ERC2: variants seen among roughly 807,000 people sequenced by gnomAD.
The protein encoded by ERC2 is ERC protein 2.
A neutral mutation model predicts 114.8 loss-of-function variants in ERC2; 42 were observed. That is an observed-to-expected ratio of 0.37 (90% CI 0.29 to 0.47). The LOEUF (loss-of-function observed/expected upper bound fraction) is 0.47, where lower values mean the gene tolerates loss of function less well. Ranked by LOEUF, ERC2 falls within the 20% of genes least tolerant of loss-of-function variation. The pLI is 0.99. For synonymous variants in ERC2, 454 were observed against 425.5 expected (o/e 1.07, Z -0.82); for missense variants, 939 against 1,150.7 (o/e 0.82, Z 2.66).
At chr3:55,721,297 G>C (rs983839278) in intron 15 of ERC2, among the ~76,000 whole-genome samples, 1 of 152,200 alleles carries the variant, frequency 6.6e-6, no homozygotes, top group African/African-American at 2.4e-5. Flanking sequence ...TAAAACAAAG[G>C]CACAACACTG....
chr3:55,829,890 T>C (rs1284290021), intron 14 of ERC2, among the ~76,000 whole-genome samples: 1 of 152,008 alleles, frequency 6.6e-6, no homozygotes, highest in African/African-American at 2.4e-5. Flanking sequence ...GCTGAAAAAA[T>C]ATTTGAAGAA....
chr3:55,614,109 C>T (rs760291650), intron 17 of ERC2, among the ~76,000 whole-genome samples: 1 of 150,514 alleles, frequency 6.6e-6, no homozygotes, highest in African/African-American at 2.5e-5. Context: ...ATAAAATGAA[C>T]AGATCAGCCT....
intron 15 of ERC2, among the ~76,000 whole-genome samples, chr3:55,733,990 T>C (rs1422741886): frequency 6.6e-6 from 1 of 152,200 alleles, no homozygotes; most frequent in African/African-American, 2.4e-5. Context: ...CACCAAGTAA[T>C]ATGAGGAGGA....
intron 1 of ERC2, among the ~76,000 whole-genome samples, chr3:56,436,616 G>C (rs2062031353): frequency 6.6e-6 from 1 of 152,118 alleles, no homozygotes; most frequent in Admixed American, 6.5e-5. Context: ...GATGGTGCAA[G>C]GGGTGAGAAC....
At chr3:56,140,333 T>G (rs955522951) in intron 5 of ERC2, among the ~76,000 whole-genome samples, 2 of 152,214 alleles carry the variant, frequency 1.3e-5, no homozygotes, top group African/African-American at 4.8e-5. Flanking sequence ...TGTTTATTAT[T>G]TCTTTGCTTG....
intron 6 of ERC2, among the ~76,000 whole-genome samples, chr3:56,092,798 T>C (rs1248685290): frequency 6.6e-6 from 1 of 152,182 alleles, no homozygotes; most frequent in Admixed American, 6.5e-5. Flanking sequence ...AAAAAACAAG[T>C]TTAAGAAAAT....
intron 14 of ERC2, among the ~76,000 whole-genome samples, chr3:55,800,353 A>G (rs2070942566): frequency 6.6e-6 from 1 of 152,094 alleles, no homozygotes; most frequent in Non-Finnish European, 1.5e-5. Flanking sequence ...CTTGTTGGTC[A>G]GGCTGGTCTC....
chr3:56,139,826 G>A (rs2080746113), intron 5 of ERC2, 150 bp from the exon 6 acceptor site: 2 of 831,802 alleles, frequency 2.4e-6, no homozygotes, highest in Non-Finnish European at 3.8e-6. Context: ...GATGGCCTTG[G>A]GAATCACACA....
At chr3:56,108,361 A>G (rs1433160917) in intron 6 of ERC2, among the ~76,000 whole-genome samples, 1 of 152,162 alleles carries the variant, frequency 6.6e-6, no homozygotes, top group Non-Finnish European at 1.5e-5. Flanking sequence ...AACAACACAC[A>G]AAAAATATTT....
chr3:56,211,532 A>T (rs549981496), intron 3 of ERC2, among the ~76,000 whole-genome samples: 9 of 152,306 alleles, frequency 5.9e-5, no homozygotes, highest in African/African-American at 2.2e-4. Flanking sequence ...CACAATAGCA[A>T]TCTACAAATT....
At chr3:55,880,609 T>C (rs767658073) in intron 14 of ERC2, among the ~76,000 whole-genome samples, 3 of 152,128 alleles carry the variant, frequency 2.0e-5, no homozygotes, top group African/African-American at 7.2e-5. Context: ...AAAGCTGCAA[T>C]AGGCTTTATC....
At chr3:56,344,015 T>C (rs760107568) in intron 2 of ERC2, among the ~76,000 whole-genome samples, 27 of 152,188 alleles carry the variant, frequency 1.8e-4, no homozygotes, top group Non-Finnish European at 3.7e-4. Flanking sequence ...GCACGACCCC[T>C]GGCTCCTCAC....
chr3:56,143,986 A>T (rs2081008349), intron 5 of ERC2, among the ~76,000 whole-genome samples: 1 of 152,238 alleles, frequency 6.6e-6, no homozygotes, highest in East Asian at 1.9e-4. Flanking sequence ...CCCATTTGCA[A>T]GAAGTCAGAC....
At chr3:56,002,059 A>G (rs2072116162) in intron 10 of ERC2, among the ~76,000 whole-genome samples, 1 of 152,144 alleles carries the variant, frequency 6.6e-6, no homozygotes. Context: ...CATTTTGAAA[A>G]AGAGGTTAAC....
chr3:56,005,950 C>T (rs2072452086), intron 10 of ERC2, among the ~76,000 whole-genome samples: 1 of 152,020 alleles, frequency 6.6e-6, no homozygotes, highest in African/African-American at 2.4e-5. Context: ...CATTTAAACA[C>T]CCTCAAATGG....
chr3:56,259,066 C>G (rs1167467471), intron 3 of ERC2, among the ~76,000 whole-genome samples: 1 of 151,498 alleles, frequency 6.6e-6, no homozygotes, highest in Non-Finnish European at 1.5e-5. Flanking sequence ...CTCCACCTAC[C>G]AGGTTCAAGT....
chr3:56,158,053 GCAAA>G (rs1349862326), intron 4 of ERC2, among the ~76,000 whole-genome samples: 6 of 144,342 alleles, frequency 4.2e-5, no homozygotes, highest in Non-Finnish European at 9.2e-5. Context: ...CCAAGATGGA[GCAAA>G]CAAAGCTAAG....
intron 7 of ERC2, among the ~76,000 whole-genome samples, chr3:56,026,913 C>T (rs1337281323): frequency 6.6e-6 from 1 of 152,158 alleles, no homozygotes; most frequent in Non-Finnish European, 1.5e-5. Context: ...CAGAACAAGT[C>T]CCACACCACA....
chr3:55,649,357 T>C (rs1168785800), intron 17 of ERC2, among the ~76,000 whole-genome samples: 1 of 150,710 alleles, frequency 6.6e-6, no homozygotes, highest in Non-Finnish European at 1.5e-5. Flanking sequence ...GCCTCCCAGG[T>C]TCAAGCAATT....
Sources: allele counts gnomAD v4.1 joint callset (sites outside exome capture counted in the v4.1 genomes callset), GRCh38; gene constraint gnomAD v4.1.1; transcripts MANE v1.5; gene names NCBI Gene and HGNC (gene_info 2026-07-23, HGNC 2026-07-21).